Variants in TUBGCP3 observed in about 807,000 individuals in gnomAD.
TUBGCP3 encodes the protein gamma-tubulin complex component 3.
TUBGCP3 carries 50 observed loss-of-function variants against 123.1 expected under a neutral mutation model. That is an observed-to-expected ratio of 0.41 (90% CI 0.32 to 0.51). TUBGCP3 has a LOEUF of 0.51. Among genes scored for constraint, TUBGCP3 ranks in the 20% least tolerant of loss-of-function variants. The pLI, the probability that TUBGCP3 is intolerant of heterozygous loss-of-function variation, is 0.36. For synonymous variants in TUBGCP3, 405 were observed against 413.9 expected, an observed-to-expected ratio of 0.98 and a Z score of 0.26; for missense variants, 882 against 1,127.0, an observed-to-expected ratio of 0.78 and a Z score of 3.11.
At chr13:112,566,289 A>G (rs1880951532) in intron 2 of TUBGCP3, among the ~76,000 whole-genome samples, 1 of 152,244 alleles carries the variant, frequency 6.6e-6, no homozygotes, top group Non-Finnish European at 1.5e-5. Flanking sequence ...TGCCACTTTC[A>G]AAGGCTAACT....
chr13:112,587,559 C>G (rs1007332038), intron 1 of TUBGCP3, among the ~76,000 whole-genome samples: 5 of 152,252 alleles, frequency 3.3e-5, no homozygotes, highest in Admixed American at 6.5e-5. Flanking sequence ...GCATTCCTCC[C>G]GTCCTCACTG....
chr13:112,582,564 A>G (rs1882349072), intron 1 of TUBGCP3, among the ~76,000 whole-genome samples: 2 of 152,202 alleles, frequency 1.3e-5, no homozygotes, highest in Non-Finnish European at 2.9e-5. Context: ...GGCACTGGAC[A>G]CTGCTGCTGC....
At chr13:112,526,864 C>T (rs1877171690) in intron 13 of TUBGCP3, 78 bp downstream of exon 13, 2 of 1,035,938 alleles carry the variant, frequency 1.9e-6, no homozygotes, top group Non-Finnish European at 3.0e-6. Flanking sequence ...ATCACTGTTA[C>T]CATGAGTATC....
intron 11 of TUBGCP3, among the ~76,000 whole-genome samples, chr13:112,536,108 C>G (rs1878028996): frequency 6.6e-6 from 1 of 152,232 alleles, no homozygotes; most frequent in Admixed American, 6.5e-5. Context: ...AGTCCATTGA[C>G]CCAGAGGTCT....
chr13:112,577,903 G>A (rs1338093247), intron 1 of TUBGCP3, among the ~76,000 whole-genome samples: 1 of 152,110 alleles, frequency 6.6e-6, no homozygotes. Context: ...AAATGTGAGG[G>A]GGGAAAAAGC....
intron 8 of TUBGCP3, among the ~76,000 whole-genome samples, chr13:112,553,237 A>G (rs1427148458): frequency 2.2e-5 from 3 of 133,948 alleles, no homozygotes; most frequent in African/African-American, 8.4e-5. Flanking sequence ...GCCACACTAC[A>G]GCACCACACT....
intron 17 of TUBGCP3, among the ~76,000 whole-genome samples, chr13:112,515,672 C>A (rs1455606498): frequency 1.3e-5 from 2 of 152,200 alleles, no homozygotes; most frequent in African/African-American, 4.8e-5. Flanking sequence ...AGGATTCCTA[C>A]CATTCACTTC....
intron 4 of TUBGCP3, 32 bp from the exon 5 acceptor site, chr13:112,558,445 A>G (rs776450181): frequency 1.3e-6 from 2 of 1,494,028 alleles, no homozygotes; most frequent in East Asian, 2.3e-5. Context: ...GAGCAGAGAC[A>G]GGAAATTACA....
intron 1 of TUBGCP3, among the ~76,000 whole-genome samples, chr13:112,574,319 C>T (rs1454359218): frequency 2.1e-5 from 3 of 143,012 alleles, no homozygotes; most frequent in Non-Finnish European, 4.5e-5. Flanking sequence ...ACTCTGAGCT[C>T]AGTGTGGCTT....
At position 112,530,556 on chromosome 13, in the gene TUBGCP3, G is replaced by A. The variant is rs545389637; in HGVS notation, c.1336-3072C>T. Among the ~76,000 whole-genome samples, 10 of 152,354 alleles carry A rather than the reference G, an allele frequency of 6.6e-5. No individual in the cohort carries two copies. The South Asian group carries it at 1.9e-3, about 28-fold the overall frequency. On this transcript the variant is annotated intron_variant, in intron 11 of 21. Transcript: ENST00000261965. ...CGGGGTGTGAAACGCACTTGTGCGG[G>A]AGGCCCGCTTTCTCAACCCACAGCT...
At chr13:112,520,139 G>T in intron 14 of TUBGCP3, 118 bp from the exon 15 acceptor site, 1 of 938,410 alleles carries the variant, frequency 1.1e-6, no homozygotes, top group Non-Finnish European at 1.5e-6. Context: ...AGACAAATGG[G>T]ACCAATACAA....
intron 8 of TUBGCP3, among the ~76,000 whole-genome samples, chr13:112,550,895 A>G (rs371944277): frequency 0.014 from 2,073 of 152,282 alleles, 32 homozygotes; most frequent in Admixed American, 0.039. Flanking sequence ...TCAGGAGATT[A>G]AGACCATCCT....
At chr13:112,539,697 G>A (rs1338325967) in intron 11 of TUBGCP3, among the ~76,000 whole-genome samples, 2 of 152,224 alleles carry the variant, frequency 1.3e-5, no homozygotes, top group Non-Finnish European at 2.9e-5. Flanking sequence ...AAAAAAGACA[G>A]GGATCATGAC....
intron 3 of TUBGCP3, among the ~76,000 whole-genome samples, chr13:112,564,140 T>G (rs1880762948): frequency 6.6e-6 from 1 of 152,234 alleles, no homozygotes; most frequent in Non-Finnish European, 1.5e-5. Context: ...TCCTATTTCT[T>G]ACTCTGTAAA....
At chr13:112,600,875 C>A in the TUBGCP3 span, among the ~76,000 whole-genome samples, 2 of 152,040 alleles carry the variant, frequency 1.3e-5, no homozygotes, top group South Asian at 4.1e-4. Flanking sequence ...AACACTGTTT[C>A]TTTGATTCTA....
At chr13:112,547,556 G>T in intron 10 of TUBGCP3, 64 bp downstream of exon 10, 1 of 1,331,980 alleles carries the variant, frequency 7.5e-7, no homozygotes, top group East Asian at 2.6e-5. Context: ...GTCGCGCGTG[G>T]GAAAGTCGCG....
intron 20 of TUBGCP3, 128 bp from the exon 21 acceptor site, chr13:112,489,825 C>CCTG: frequency 1.5e-6 from 1 of 679,110 alleles, no homozygotes; most frequent in Non-Finnish European, 2.6e-6. Context: ...CTGTTCAACA[C>CCTG]TTTCACAATA....
At chr13:112,494,773 G>A (rs138246726) in intron 20 of TUBGCP3, among the ~76,000 whole-genome samples, 1 of 152,346 alleles carries the variant, frequency 6.6e-6, no homozygotes, top group East Asian at 1.9e-4. Flanking sequence ...TAACTGGGGT[G>A]GGATGATAGC....
Position 112,499,171 on chromosome 13 carries a change from T to C in TUBGCP3, c.2322A>G (p.Gln774=), listed in dbSNP as rs774871098. 6.8e-6 allele frequency: 11 copies of C among 1,610,776 alleles called. No homozygotes were observed. The highest frequency in any genetic ancestry group is 5.9e-6 in the Non-Finnish European group (7 of 1,178,894). Residue 774 remains glutamine (Q), a synonymous_variant, in exon 20 of 22, where the codon CAA becomes CAG. Transcript: ENST00000261965. ...LDSDSRALLN[Q]LRAVFDQIIE... ...TAATTTGATCAAACACAGCTCTAAG[T>C]TGATTTAAAAGTGCCTGAAAGAGAT...
Sources: gnomAD v4.1 joint callset for allele counts (sites outside exome capture counted in the v4.1 genomes callset) on GRCh38, gnomAD v4.1.1 for gene constraint, MANE v1.5 for transcripts, NCBI Gene and HGNC (gene_info 2026-07-23, HGNC 2026-07-21) for gene names.